The following COL4A4 variants were observed in gnomAD, a reference collection of about 807,000 sequenced individuals.
COL4A4 encodes the protein collagen type IV alpha 4 chain.
A neutral mutation model predicts 192.9 loss-of-function variants in COL4A4; 105 were observed. The ratio of observed to expected loss-of-function variants is 0.54; its 90% CI spans 0.46 to 0.64. The LOEUF (loss-of-function observed/expected upper bound fraction) is 0.64, where lower values mean the gene tolerates loss of function less well. Among genes scored for constraint, COL4A4 ranks in the 30% least tolerant of loss-of-function variants. The probability of loss-of-function intolerance (pLI) is 0.00; values close to 1 mark genes in which losing one functional copy is unlikely to be tolerated. For synonymous variants in COL4A4, 762 were observed against 769.9 expected, an observed-to-expected ratio of 0.99 and a Z score of 0.17; for missense variants, 1,967 against 2,169.3, an observed-to-expected ratio of 0.91 and a Z score of 1.85.
In COL4A4 at chr2:227,004,470, G is replaced by C. The variant is rs141795776; in HGVS notation, c.*2855C>G. The C allele has an allele frequency of 6.6e-6, 1 of 152,198 alleles. No individual in the cohort carries two copies. The highest frequency in any genetic ancestry group is 1.5e-5 in the Non-Finnish European group (1 of 68,042). The allele number at this position is 152,198 out of a possible 1,614,324, so 9.4% of individuals were successfully genotyped here. A position where few individuals can be genotyped will look rare whatever the true frequency, so the allele number is the denominator to read the frequency against. Reference sequence around the variant, plus strand: ...CCATAGGAAGTCATTTGGACTTCATGGGCAGCGGAGTCACAGAAGGATTCT... The same window carrying C: ...CCATAGGAAGTCATTTGGACTTCATCGGCAGCGGAGTCACAGAAGGATTCT... On this transcript the variant is annotated 3_prime_UTR_variant, in exon 48 of 48. Coordinates refer to ENST00000396625, the MANE Select transcript of COL4A4 (RefSeq NM_000092.5).
chr2:227,082,566 C>T (rs919767286), intron 22 of COL4A4, among the ~76,000 whole-genome samples: 2 of 152,124 alleles, frequency 1.3e-5, no homozygotes, highest in Non-Finnish European at 2.9e-5. Context: ...TCTTGTGAGT[C>T]AACTACCTCA....
rs13403086 is a variant in COL4A4 at position 227,026,645 on chromosome 2, G to A, written c.4082-835C>T. Reference sequence around the variant, plus strand: ...TATTCTGAACTGACGCCACATTACCGTAATATTGATTTAGGATCTTGAAAG... The same window carrying A: ...TATTCTGAACTGACGCCACATTACCATAATATTGATTTAGGATCTTGAAAG... On this transcript the variant is annotated intron_variant, in intron 42 of 47. Transcript: ENST00000396625. 4.1e-3 allele frequency among the ~76,000 whole-genome samples: 624 copies of A among 152,202 alleles called. 6 individuals carry two copies. Among genetic ancestry groups the A allele is most frequent in the African/African-American group, 0.014 (599 of 41,520 alleles).
intron 20 of COL4A4, among the ~76,000 whole-genome samples, chr2:227,092,840 G>A (rs1204980676): frequency 6.6e-6 from 1 of 152,160 alleles, no homozygotes; most frequent in East Asian, 1.9e-4. Context: ...AGGGGTTGGT[G>A]AAAGAAAGCT....
At chr2:227,102,111 C>A (rs2060557096) in intron 15 of COL4A4, among the ~76,000 whole-genome samples, 5 of 152,168 alleles carry the variant, frequency 3.3e-5, no homozygotes, top group African/African-American at 9.7e-5. Context: ...CAGTCTTATT[C>A]AAAAAATCCA....
intron 12 of COL4A4, among the ~76,000 whole-genome samples, chr2:227,107,526 T>C (rs958094843): frequency 1.3e-5 from 2 of 152,198 alleles, no homozygotes; most frequent in Non-Finnish European, 2.9e-5. Context: ...TATTTTTGAC[T>C]CCTGTGCCGT....
chr2:227,101,341 A>G (rs1438994371), intron 17 of COL4A4, among the ~76,000 whole-genome samples, 163 bp downstream of exon 17: 1 of 152,196 alleles, frequency 6.6e-6, no homozygotes, highest in Admixed American at 6.5e-5. Context: ...TTTATCAGCA[A>G]CATGAAAAAC....
chr2:227,141,228 C>A (rs73993692), intron 3 of COL4A4, among the ~76,000 whole-genome samples: 1,696 of 152,292 alleles, frequency 0.011, 35 homozygotes, highest in African/African-American at 0.039. Context: ...GTTTGCCTGG[C>A]TCATGATCTG....
At chr2:226,970,061 C>T in the COL4A4 span, among the ~76,000 whole-genome samples, 1 of 142,126 alleles carries the variant, frequency 7.0e-6, no homozygotes, top group Non-Finnish European at 1.5e-5. Context: ...TCCCAGCCCT[C>T]TCCCCCCGCA....
At chr2:227,112,621 G>T (rs529746190) in intron 8 of COL4A4, among the ~76,000 whole-genome samples, 2 of 152,196 alleles carry the variant, frequency 1.3e-5, no homozygotes, top group East Asian at 3.9e-4. Flanking sequence ...CACTTAAGTG[G>T]CATTAAGTAC....
intron 4 of COL4A4, among the ~76,000 whole-genome samples, chr2:227,138,785 A>G (rs1323494013): frequency 1.3e-5 from 2 of 152,198 alleles, no homozygotes; most frequent in Admixed American, 1.3e-4. Flanking sequence ...ATAGGCCAAC[A>G]AAGGAACCCA....
At chr2:227,032,319 T>C (rs1968608096) in intron 38 of COL4A4, 43 bp from the exon 39 acceptor site, 7 of 1,575,834 alleles carry the variant, frequency 4.4e-6, no homozygotes, top group Non-Finnish European at 5.2e-6. Context: ...TTCTCTTTTC[T>C]TGTCCCTGTT....
At chr2:227,107,873 T>A (rs984371835) in intron 12 of COL4A4, among the ~76,000 whole-genome samples, 6 of 151,540 alleles carry the variant, frequency 4.0e-5, no homozygotes, top group Middle Eastern at 3.4e-3. Flanking sequence ...TTCTCCTGCT[T>A]CAGCCTCCCG....
Position 227,156,070 on chromosome 2 carries a change from A to T in COL4A4, c.-102+7937T>A, listed in dbSNP as rs867181732. Among the ~76,000 whole-genome samples the T allele has an allele frequency of 2.0e-5, 3 of 151,612 alleles. No individual in the cohort carries two copies. In the South Asian group the frequency reaches 6.3e-4, roughly 32 times the overall value. ...TTCTAATCTGCCATGGAGGAAAAAA[A>T]AAAGAGCTCACAATACATTGGGAAA... On this transcript the variant is annotated intron_variant, in intron 1 of 47. Coordinates refer to ENST00000396625, the MANE Select transcript of COL4A4 (RefSeq NM_000092.5).
At chr2:227,131,237 C>T (rs945464090) in intron 4 of COL4A4, among the ~76,000 whole-genome samples, 11 of 151,812 alleles carry the variant, frequency 7.2e-5, no homozygotes, top group Admixed American at 5.2e-4. Flanking sequence ...CCCACTGCAG[C>T]CTCTGCCTCC....
chr2:227,060,334 C>A, intron 26 of COL4A4, 91 bp from the exon 27 acceptor site: 1 of 893,298 alleles, frequency 1.1e-6, no homozygotes, highest in Non-Finnish European at 1.8e-6. Context: ...TATGTTAAGT[C>A]CTTTTAGAAT....
intron 4 of COL4A4, among the ~76,000 whole-genome samples, chr2:227,135,894 T>G (rs2062781410): frequency 6.6e-6 from 1 of 152,194 alleles, no homozygotes; most frequent in Non-Finnish European, 1.5e-5. Flanking sequence ...TCCACCCACC[T>G]CAGCCTCCCA....
chr2:226,987,240 C>T, the COL4A4 span, among the ~76,000 whole-genome samples: 8 of 152,008 alleles, frequency 5.3e-5, no homozygotes, highest in Non-Finnish European at 1.2e-4. Flanking sequence ...GGGCTTATAA[C>T]GAGATGACAG....
At chr2:227,087,122 C>A (rs1351782880) in intron 22 of COL4A4, among the ~76,000 whole-genome samples, 2 of 152,156 alleles carry the variant, frequency 1.3e-5, no homozygotes, top group African/African-American at 4.8e-5. Context: ...CAGGGGAGTA[C>A]CCCAGTGGGC....
Position 227,057,582 on chromosome 2 carries a change from C to G in COL4A4, c.2402G>C (p.Gly801Ala), listed in dbSNP as rs200814061. The G allele has an allele frequency of 5.0e-6, 8 of 1,614,002 alleles. No individual in the cohort carries two copies. Among genetic ancestry groups the G allele is most frequent in the Non-Finnish European group, 6.8e-6 (8 of 1,180,036 alleles). ...TTTGGGACCTTTGAGACCTAGGAAT[C>G]CAGGAATGCCAGCTGGCCCTGAAAT... is the stretch of plus-strand genomic sequence containing the variant. ...PGAEGPAGIP[G>A]FLGLKGPKGR... Residue 801 changes from glycine to alanine, a missense_variant, in exon 29 of 48, where the codon GGA (glycine) becomes GCA (alanine). Gly to Ala is a moderately conservative substitution (Grantham distance 60, BLOSUM62 0). Coordinates refer to ENST00000396625, the MANE Select transcript of COL4A4 (RefSeq NM_000092.5).
Sources: allele counts gnomAD v4.1 joint callset (sites outside exome capture counted in the v4.1 genomes callset), GRCh38; gene constraint gnomAD v4.1.1; transcripts MANE v1.5; gene names NCBI Gene and HGNC (gene_info 2026-07-23, HGNC 2026-07-21).